AGBL4: variants seen among roughly 807,000 people sequenced by gnomAD.
AGBL4 encodes AGBL carboxypeptidase 4.
In AGBL4, 58 loss-of-function variants were observed where a neutral mutation model predicts 66.4. The ratio of observed to expected loss-of-function variants is 0.87; its 90% CI spans 0.71 to 1.09. The LOEUF is 1.09. Among genes scored for constraint, AGBL4 ranks in the 50% least tolerant of loss-of-function variants. AGBL4 has a pLI of 0.00. For synonymous variants in AGBL4, 234 were observed against 222.9 expected (o/e 1.05, Z -0.44); for missense variants, 579 against 631.0 (o/e 0.92, Z 0.88).
At position 48,533,061 on chromosome 1, in the gene AGBL4, C is replaced by CAAAG. The variant is rs71572675; in HGVS notation, c.*1111_*1112insCTTT. 6,208 of 152,780 alleles carry CAAAG rather than the reference C, an allele frequency of 0.041. 151 individuals are homozygous for CAAAG. Among genetic ancestry groups the CAAAG allele is most frequent in the Middle Eastern group, 0.063 (19 of 302 alleles). The allele number at this position is 152,780 out of a possible 1,614,324, so 9.5% of individuals were successfully genotyped here. A position where few individuals can be genotyped will look rare whatever the true frequency, so the allele number is the denominator to read the frequency against. ...TCAAACAAACAAACAAACAAACAAA[C>CAAAG]AAACAAAAAATGCTTTAGTGGAGCT... On this transcript the variant is annotated 3_prime_UTR_variant, in exon 14 of 14. Coordinates refer to ENST00000371839, the MANE Select transcript of AGBL4 (RefSeq NM_032785.4).
chr1:49,046,771 C>T (rs1260510601), intron 4 of AGBL4, among the ~76,000 whole-genome samples: 1 of 152,166 alleles, frequency 6.6e-6, no homozygotes, highest in African/African-American at 2.4e-5. Context: ...TTTTGTGTAA[C>T]TCTTGCTTTT....
chr1:49,290,633 T>C (rs1242218014), intron 3 of AGBL4, among the ~76,000 whole-genome samples: 1 of 152,198 alleles, frequency 6.6e-6, no homozygotes, highest in Non-Finnish European at 1.5e-5. Flanking sequence ...GGTCTACTTA[T>C]TTGTGAATGT....
intron 3 of AGBL4, among the ~76,000 whole-genome samples, chr1:49,348,498 A>T (rs1645685118): frequency 6.6e-6 from 1 of 152,196 alleles, no homozygotes; most frequent in South Asian, 2.1e-4. Context: ...ACATGCACAG[A>T]TAAGAAGGTG....
chr1:49,810,349 C>A (rs560439644), intron 2 of AGBL4, among the ~76,000 whole-genome samples: 3 of 151,898 alleles, frequency 2.0e-5, no homozygotes, highest in Admixed American at 1.3e-4. Flanking sequence ...CTATTACATT[C>A]TAGGAAAAAG....
At chr1:48,765,875 C>CAAA (rs1644503816) in intron 6 of AGBL4, among the ~76,000 whole-genome samples, 1 of 152,044 alleles carries the variant, frequency 6.6e-6, no homozygotes, top group African/African-American at 2.4e-5. Context: ...TCCATAGAGA[C>CAAA]AAAAAGTAGT....
At chr1:48,919,120 T>G (rs1459383220) in intron 5 of AGBL4, among the ~76,000 whole-genome samples, 2 of 152,168 alleles carry the variant, frequency 1.3e-5, no homozygotes, top group Admixed American at 1.3e-4. Context: ...AATAGGAGCT[T>G]TATATTTGTT....
chr1:49,517,128 G>A (rs1039069885), intron 3 of AGBL4, among the ~76,000 whole-genome samples: 1 of 151,814 alleles, frequency 6.6e-6, no homozygotes, highest in Non-Finnish European at 1.5e-5. Flanking sequence ...ATCACCTCAA[G>A]TGTGTATCAC....
chr1:49,355,540 G>A (rs564407419), intron 3 of AGBL4, among the ~76,000 whole-genome samples: 1 of 152,198 alleles, frequency 6.6e-6, no homozygotes, highest in South Asian at 2.1e-4. Context: ...CAACATGAAA[G>A]TGTGTATCAA....
intron 3 of AGBL4, among the ~76,000 whole-genome samples, chr1:49,557,066 C>A (rs1028708210): frequency 1.3e-5 from 2 of 152,052 alleles, no homozygotes; most frequent in Non-Finnish European, 2.9e-5. Context: ...CTGCGTGCAG[C>A]CCTGGTTCCC....
chr1:49,713,766 G>T (rs975447388), intron 2 of AGBL4, among the ~76,000 whole-genome samples: 32 of 152,026 alleles, frequency 2.1e-4, no homozygotes, highest in African/African-American at 7.7e-4. Context: ...TACAAAGGAG[G>T]AACAATGTAA....
At chr1:48,873,368 A>G (rs1480537878) in intron 5 of AGBL4, among the ~76,000 whole-genome samples, 1 of 152,172 alleles carries the variant, frequency 6.6e-6, no homozygotes, top group Non-Finnish European at 1.5e-5. Flanking sequence ...CCTGCTTGTT[A>G]TTTGGCTCTT....
intron 2 of AGBL4, among the ~76,000 whole-genome samples, chr1:49,752,978 G>C (rs1424178946): frequency 1.3e-5 from 2 of 152,068 alleles, no homozygotes; most frequent in Non-Finnish European, 2.9e-5. Flanking sequence ...ACATGAGATG[G>C]GTCTCCTCAA....
chr1:48,833,636 C>T (rs995011882), intron 6 of AGBL4, among the ~76,000 whole-genome samples: 3 of 152,136 alleles, frequency 2.0e-5, no homozygotes, highest in Non-Finnish European at 4.4e-5. Context: ...ATCATTGGTC[C>T]ATTGGTATAA....
At chr1:49,785,808 G>A (rs1271643349) in intron 2 of AGBL4, among the ~76,000 whole-genome samples, 2 of 150,760 alleles carry the variant, frequency 1.3e-5, no homozygotes, top group Admixed American at 6.6e-5. Context: ...TTACAAAAAT[G>A]AGCGTTGTCA....
chr1:48,969,511 T>C (rs913179602), intron 5 of AGBL4, among the ~76,000 whole-genome samples: 3 of 152,080 alleles, frequency 2.0e-5, no homozygotes, highest in African/African-American at 7.2e-5. Flanking sequence ...CCACAGAGAT[T>C]TGCAAAGATT....
intron 3 of AGBL4, chr1:49,268,121 A>G: frequency 6.6e-6 from 1 of 152,176 alleles, no homozygotes; most frequent in Non-Finnish European, 1.5e-5. Flanking sequence ...AGGATAATAA[A>G]TAGAAAACCA....
intron 5 of AGBL4, among the ~76,000 whole-genome samples, chr1:48,869,685 G>A (rs1417129866): frequency 6.6e-6 from 1 of 152,120 alleles, no homozygotes. Context: ...CAGTGACTGG[G>A]AGCCAAACGC....
At chr1:49,065,294 G>C (rs1187135065) in intron 4 of AGBL4, among the ~76,000 whole-genome samples, 1 of 152,226 alleles carries the variant, frequency 6.6e-6, no homozygotes, top group Non-Finnish European at 1.5e-5. Context: ...GGAGACATAG[G>C]TGGGGTGATG....
intron 3 of AGBL4, among the ~76,000 whole-genome samples, chr1:49,626,972 G>A (rs1181790135): frequency 6.6e-6 from 1 of 152,140 alleles, no homozygotes; most frequent in African/African-American, 2.4e-5. Flanking sequence ...AACATTACCA[G>A]GAGGTACTAC....
Sources: allele counts gnomAD v4.1 joint callset (sites outside exome capture counted in the v4.1 genomes callset), GRCh38; gene constraint gnomAD v4.1.1; transcripts MANE v1.5; gene names NCBI Gene and HGNC (gene_info 2026-07-23, HGNC 2026-07-21).